The following NRXN3 variants were observed in gnomAD, a reference collection of about 807,000 sequenced individuals.
NRXN3 encodes neurexin 3.
In NRXN3, 32 loss-of-function variants were observed where a neutral mutation model predicts 137.6. The ratio of observed to expected loss-of-function variants is 0.23; its 90% confidence interval spans 0.18 to 0.31. NRXN3 has a LOEUF of 0.31. Among genes scored for constraint, NRXN3 ranks in the 10% least tolerant of loss-of-function variants. The pLI is 1.00. For missense variants in NRXN3, 1,574 were observed against 2,062.5 expected (o/e 0.76, Z 4.59); for synonymous variants, 798 against 784.5 (o/e 1.02, Z -0.29).
intron 15 of NRXN3, among the ~76,000 whole-genome samples, chr14:79,234,345 T>TTATATATATATAATA (rs1463036536): frequency 1.0e-4 from 11 of 106,310 alleles, no homozygotes; most frequent in African/African-American, 2.9e-4. Context: ...TATATAATAT[T>TTATATATATATAATA]TATATATATA....
At chr14:79,713,118 T>C (rs1448178744) in intron 19 of NRXN3, among the ~76,000 whole-genome samples, 10 of 151,956 alleles carry the variant, frequency 6.6e-5, no homozygotes. Context: ...TTGCAGCTGT[T>C]GACATCACAG....
chr14:79,408,939 C>A (rs2095363685), intron 15 of NRXN3, among the ~76,000 whole-genome samples: 1 of 151,566 alleles, frequency 6.6e-6, no homozygotes, highest in South Asian at 2.1e-4. Context: ...CTTTTTTTGC[C>A]CTTTTATTTA....
intron 15 of NRXN3, among the ~76,000 whole-genome samples, chr14:79,436,997 C>G (rs2095855159): frequency 6.6e-6 from 1 of 152,084 alleles, no homozygotes; most frequent in Non-Finnish European, 1.5e-5. Context: ...TGTGGCTCCC[C>G]CTGTGTAAAA....
chr14:78,530,927 A>G (rs1314907230), intron 4 of NRXN3, among the ~76,000 whole-genome samples: 1 of 152,132 alleles, frequency 6.6e-6, no homozygotes, highest in Non-Finnish European at 1.5e-5. Flanking sequence ...GCTGTATTCA[A>G]ATGCAGAGCT....
intron 15 of NRXN3, among the ~76,000 whole-genome samples, chr14:79,358,625 G>T (rs1403239061): frequency 6.8e-6 from 1 of 146,084 alleles, no homozygotes; most frequent in African/African-American, 2.5e-5. Context: ...AAGAAAGAAA[G>T]AAAGAAAGAA....
intron 8 of NRXN3, among the ~76,000 whole-genome samples, chr14:78,770,739 T>C (rs978524995): frequency 1.3e-5 from 2 of 151,946 alleles, no homozygotes; most frequent in Non-Finnish European, 2.9e-5. Flanking sequence ...AAAAGTAAAT[T>C]GCAAAGAAGA....
Position 79,471,751 on chromosome 14 carries a change from G to A in NRXN3, c.3444+4349G>A, listed in dbSNP as rs558244986. 8.7e-4 allele frequency among the ~76,000 whole-genome samples: 133 copies of A among 152,080 alleles called. 5 individuals are homozygous for A. Among genetic ancestry groups the A allele is most frequent in the Non-Finnish European group, 4.1e-4 (28 of 68,018 alleles). ...GTGGGAAAACTTGGGCAAAATGAAG[G>A]CATTTGTGTCCTAGATTGAGTAACT... On this transcript the variant is annotated intron_variant, in intron 16 of 20. Transcript: ENST00000335750.
At chr14:79,719,625 GAAGTA>G (rs2098837254) in intron 19 of NRXN3, among the ~76,000 whole-genome samples, 1 of 151,970 alleles carries the variant, frequency 6.6e-6, no homozygotes, top group Admixed American at 6.6e-5. Context: ...AAATCACTGT[GAAGTA>G]AATTCCACCC....
intron 18 of NRXN3, among the ~76,000 whole-genome samples, chr14:79,696,593 G>GA (rs1004201208): frequency 6.6e-6 from 1 of 151,822 alleles, no homozygotes; most frequent in South Asian, 2.1e-4. Context: ...GTTTGCTTGG[G>GA]AAAAAAATCT....
At chr14:79,517,693 T>C (rs2097007319) in intron 16 of NRXN3, among the ~76,000 whole-genome samples, 1 of 152,030 alleles carries the variant, frequency 6.6e-6, no homozygotes, top group Non-Finnish European at 1.5e-5. Context: ...TACCCAATTA[T>C]TTCAATAACT....
At chr14:78,911,592 C>G (rs942050343) in intron 10 of NRXN3, among the ~76,000 whole-genome samples, 1 of 152,152 alleles carries the variant, frequency 6.6e-6, no homozygotes, top group African/African-American at 2.4e-5. Context: ...ATGTGGCATT[C>G]CTGTAAAGCA....
At chr14:78,907,295 A>T (rs947890635) in intron 10 of NRXN3, among the ~76,000 whole-genome samples, 1 of 152,004 alleles carries the variant, frequency 6.6e-6, no homozygotes, top group Non-Finnish European at 1.5e-5. Flanking sequence ...TCTCCTGAAC[A>T]CGTCAAGATA....
chr14:78,851,265 T>C (rs955122181), intron 10 of NRXN3, among the ~76,000 whole-genome samples: 15 of 152,162 alleles, frequency 9.9e-5, no homozygotes, highest in African/African-American at 3.6e-4. Flanking sequence ...GACTGATTTA[T>C]AGTGTTGACA....
intron 15 of NRXN3, among the ~76,000 whole-genome samples, chr14:79,448,058 C>G (rs1190581077): frequency 6.6e-6 from 1 of 152,180 alleles, no homozygotes; most frequent in Non-Finnish European, 1.5e-5. Flanking sequence ...CTGTGAGGAC[C>G]TATGTAATCT....
chr14:78,355,235 C>G (rs2084105388), intron 4 of NRXN3, among the ~76,000 whole-genome samples: 1 of 152,142 alleles, frequency 6.6e-6, no homozygotes, highest in Non-Finnish European at 1.5e-5. Context: ...GAAAACAAAA[C>G]CATATAAGGC....
At chr14:78,283,697 C>T (rs576023058) in intron 3 of NRXN3, among the ~76,000 whole-genome samples, 5 of 152,164 alleles carry the variant, frequency 3.3e-5, no homozygotes, top group East Asian at 1.9e-4. Flanking sequence ...TTAGCAGAGA[C>T]GGGGTTCCAC....
chr14:78,566,899 T>A (rs2096841644), intron 4 of NRXN3, among the ~76,000 whole-genome samples: 1 of 152,164 alleles, frequency 6.6e-6, no homozygotes, highest in African/African-American at 2.4e-5. Context: ...CACCACAGTG[T>A]TTCCCTAGTG....
At chr14:78,996,240 T>C (rs2099529830) in intron 15 of NRXN3, among the ~76,000 whole-genome samples, 1 of 152,214 alleles carries the variant, frequency 6.6e-6, no homozygotes, top group Non-Finnish European at 1.5e-5. Flanking sequence ...ATGTGCTGAA[T>C]TCATTGTCAT....
Position 79,021,684 on chromosome 14 carries a change from T to A in NRXN3, c.3262+33543T>A, listed in dbSNP as rs539920663. ...AGAAGTGGCCCAAACTGTGGTTTTT[T>A]AATTCTGAAATGCAAGGTTATGTGA... On this transcript the variant is annotated intron_variant, in intron 15 of 20. Coordinates refer to ENST00000335750, the MANE Select transcript of NRXN3 (RefSeq NM_001330195.2). Among the ~76,000 whole-genome samples, 7 of 152,320 alleles carry A rather than the reference T, an allele frequency of 4.6e-5. No homozygotes were observed. The South Asian group carries it at 1.0e-3, about 23-fold the overall frequency.
Sources: allele counts gnomAD v4.1 joint callset (sites outside exome capture counted in the v4.1 genomes callset), GRCh38; gene constraint gnomAD v4.1.1; transcripts MANE v1.5; gene names NCBI Gene and HGNC (gene_info 2026-07-23, HGNC 2026-07-21).